The following ANKDD1B variants were observed in gnomAD, a reference collection of about 807,000 sequenced individuals.
ANKDD1B encodes the protein ankyrin repeat and death domain-containing protein 1B.
A neutral mutation model predicts 59.7 loss-of-function variants in ANKDD1B; 57 were observed. The observed-to-expected ratio is 0.95, with a 90% CI of 0.77 to 1.19. The LOEUF is 1.19. Among genes scored for constraint, ANKDD1B ranks in the 50% most tolerant of loss-of-function variants. The pLI is 0.00. For synonymous variants in ANKDD1B, 216 were observed against 239.5 expected, an observed-to-expected ratio of 0.90 and a Z score of 0.91; for missense variants, 602 against 641.9, an observed-to-expected ratio of 0.94 and a Z score of 0.67.
intron 5 of ANKDD1B, among the ~76,000 whole-genome samples, chr5:75,633,496 T>A (rs1774220972): frequency 6.6e-6 from 1 of 152,216 alleles, no homozygotes. Context: ...GGCCGTGATC[T>A]TTTCATTACC....
chr5:75,651,063 A>G (rs1044353816), intron 7 of ANKDD1B, among the ~76,000 whole-genome samples: 4 of 152,204 alleles, frequency 2.6e-5, no homozygotes, highest in African/African-American at 9.6e-5. Context: ...AAAGGCAGAG[A>G]GCAGCAGCTG....
At chr5:75,617,994 T>C (rs78065979) in intron 2 of ANKDD1B, among the ~76,000 whole-genome samples, 2,029 of 152,014 alleles carry the variant, frequency 0.013, 47 homozygotes, top group African/African-American at 0.047. Flanking sequence ...GGTATGTCTG[T>C]GTATAATGTG....
chr5:75,620,507 C>A, intron 3 of ANKDD1B, 94 bp downstream of exon 3: 1 of 672,130 alleles, frequency 1.5e-6, no homozygotes, highest in Non-Finnish European at 2.5e-6. Flanking sequence ...CACATACACA[C>A]AAAATATTTT....
Position 75,661,438 on chromosome 5 carries a change from C to T in ANKDD1B, c.1096-1956C>T, listed in dbSNP as rs550416493. 3.0e-4 allele frequency among the ~76,000 whole-genome samples: 41 copies of T among 137,206 alleles called. 1 individual carries two copies. The South Asian group carries it at 7.2e-3, about 24-fold the overall frequency. 90.0% of individuals were successfully genotyped at this position (137,206 alleles called of 152,430 possible). ...AAAAAAAAAAAAAGTAACACAGGCCCACTGTGGACGATTTAGAACACAGAA... is the reference window on the plus strand; with the variant it reads ...AAAAAAAAAAAAAGTAACACAGGCCTACTGTGGACGATTTAGAACACAGAA... On this transcript the variant is annotated intron_variant, in intron 10 of 13. Transcript: ENST00000601380.
At chr5:75,670,163 C>A (rs976141971) in intron 13 of ANKDD1B, among the ~76,000 whole-genome samples, 1 of 152,202 alleles carries the variant, frequency 6.6e-6, no homozygotes. Context: ...ACCCTGTTCC[C>A]ATTGGCCCCG....
At chr5:75,633,141 T>C (rs1250095319) in intron 5 of ANKDD1B, among the ~76,000 whole-genome samples, 3 of 152,228 alleles carry the variant, frequency 2.0e-5, no homozygotes. Flanking sequence ...CTTCAATTAG[T>C]GCCTACCTTG....
intron 12 of ANKDD1B, among the ~76,000 whole-genome samples, chr5:75,668,049 G>A (rs1197962736): frequency 6.6e-6 from 1 of 152,142 alleles, no homozygotes; most frequent in Non-Finnish European, 1.5e-5. Context: ...TAGGCTTATA[G>A]TGTTCTGTGA....
At chr5:75,651,326 T>TA (rs1461311652) in intron 7 of ANKDD1B, among the ~76,000 whole-genome samples, 1 of 152,250 alleles carries the variant, frequency 6.6e-6, no homozygotes, top group African/African-American at 2.4e-5. Context: ...GTAGCAATCT[T>TA]ACAATTAATC....
chr5:75,667,404 A>G (rs766950897), intron 12 of ANKDD1B, among the ~76,000 whole-genome samples: 4 of 152,186 alleles, frequency 2.6e-5, no homozygotes, highest in Non-Finnish European at 4.4e-5. Context: ...TCTGTAATCA[A>G]TAGGCTCGCT....
At chr5:75,612,621 G>C (rs1820049) in intron 1 of ANKDD1B, among the ~76,000 whole-genome samples, 19,580 of 152,104 alleles carry the variant, frequency 0.13, 1,363 homozygotes, top group East Asian at 0.23. Flanking sequence ...GCATGTTCTA[G>C]ATGTAGGGTT....
chr5:75,649,737 G>A (rs752737646), intron 7 of ANKDD1B, among the ~76,000 whole-genome samples: 1 of 152,206 alleles, frequency 6.6e-6, no homozygotes, highest in East Asian at 1.9e-4. Context: ...TAGCCAACAA[G>A]TCATGCTATT....
chr5:75,649,418 T>C (rs1420842942), intron 7 of ANKDD1B, among the ~76,000 whole-genome samples: 1 of 152,162 alleles, frequency 6.6e-6, no homozygotes, highest in African/African-American at 2.4e-5. Flanking sequence ...TGAATGTCAA[T>C]TAAATATTTA....
rs1183139687 is a variant in ANKDD1B at position 75,611,702 on chromosome 5, C to A, written c.68C>A (p.Ala23Glu). ...GGGGGGCTGCTGCTCCGGGCTGCTG[C>A]GGCCGCCAAGGGTCTCAGGGAAGAC... The part of the protein sequence containing the change: ...TAGGLLLRAA[A>E]AAKGLREDLW... Residue 23 changes from alanine to glutamate, a missense_variant, in exon 1 of 14, where the codon GCG (alanine) becomes GAG (glutamate). Transcript: ENST00000601380. 2.4e-6 allele frequency: 3 copies of A among 1,231,660 alleles called. No homozygotes were observed. The African/African-American group carries it at 4.7e-5, about 19-fold the overall frequency. 76.3% of individuals were successfully genotyped at this position (1,231,660 alleles called of 1,614,324 possible).
chr5:75,622,153 C>T (rs2112960035), intron 3 of ANKDD1B, among the ~76,000 whole-genome samples: 1 of 152,280 alleles, frequency 6.6e-6, no homozygotes, highest in South Asian at 2.1e-4. Context: ...ATCCCCTTCA[C>T]CATCAATATT....
intron 11 of ANKDD1B, among the ~76,000 whole-genome samples, chr5:75,664,875 A>C (rs932965516): frequency 1.3e-5 from 2 of 152,246 alleles, no homozygotes; most frequent in South Asian, 4.1e-4. Flanking sequence ...TGGGGTCTGG[A>C]GTGGGAGAAA....
chr5:75,631,958 T>C (rs1403499561), intron 5 of ANKDD1B, among the ~76,000 whole-genome samples: 2 of 151,728 alleles, frequency 1.3e-5, no homozygotes, highest in Non-Finnish European at 2.9e-5. Context: ...ATACAAAAAA[T>C]TAGCTGGGCA....
At chr5:75,626,333 G>A (rs1271207633) in intron 5 of ANKDD1B, among the ~76,000 whole-genome samples, 3 of 152,132 alleles carry the variant, frequency 2.0e-5, no homozygotes, top group African/African-American at 7.2e-5. Context: ...AATGAGCCTT[G>A]AAATACAATG....
intron 5 of ANKDD1B, among the ~76,000 whole-genome samples, chr5:75,630,926 A>G (rs1285153065): frequency 6.6e-6 from 1 of 152,208 alleles, no homozygotes; most frequent in Non-Finnish European, 1.5e-5. Context: ...CATAAGAAAT[A>G]AAAATAATCT....
chr5:75,642,395 G>A (rs1423899557), intron 7 of ANKDD1B, among the ~76,000 whole-genome samples: 15 of 149,550 alleles, frequency 1.0e-4, no homozygotes, highest in South Asian at 4.3e-4. Context: ...TGCGCGCACC[G>A]TGCGCGAGCC....
Sources: allele counts gnomAD v4.1 joint callset (sites outside exome capture counted in the v4.1 genomes callset), GRCh38; gene constraint gnomAD v4.1.1; transcripts MANE v1.5; gene names NCBI Gene and HGNC (gene_info 2026-07-23, HGNC 2026-07-21).